Variants in ART1 observed in about 807,000 individuals in gnomAD.
The protein encoded by ART1 is GPI-linked NAD(P)(+)--arginine ADP-ribosyltransferase 1.
In ART1, 29 loss-of-function variants were observed where a neutral mutation model predicts 27.0. The observed-to-expected ratio is 1.08, with a 90% CI of 0.80 to 1.47. ART1 has a LOEUF of 1.47. ART1 is among the 40% of genes most tolerant of loss of function. The pLI is 0.00. For synonymous variants in ART1, 201 were observed against 172.2 expected, an observed-to-expected ratio of 1.17 and a Z score of -1.31; for missense variants, 480 against 423.0, an observed-to-expected ratio of 1.13 and a Z score of -1.18.
chr11:3,663,224 AAGTGAGACCCAG>A (rs2077636972), intron 4 of ART1, among the ~76,000 whole-genome samples: 1 of 152,152 alleles, frequency 6.6e-6, no homozygotes, highest in Non-Finnish European at 1.5e-5. Flanking sequence ...TTATATGGTC[AAGTGAGACCCAG>A]AGACAAATTA....
At chr11:3,649,584 T>C (rs1248806569) in intron 1 of ART1, among the ~76,000 whole-genome samples, 1 of 152,190 alleles carries the variant, frequency 6.6e-6, no homozygotes, top group Non-Finnish European at 1.5e-5. Flanking sequence ...CCCAGGCTGC[T>C]CCTCGCCAGG....
intron 4 of ART1, 52 bp from the exon 5 acceptor site, chr11:3,664,029 GCTCCTAAATAC>G: frequency 1.3e-6 from 2 of 1,535,272 alleles, no homozygotes; most frequent in Non-Finnish European, 1.8e-6. Context: ...TTGCTCCTGT[GCTCCTAAATAC>G]CTCTTTTTTT....
At chr11:3,656,855 A>T (rs2077580149) in intron 1 of ART1, among the ~76,000 whole-genome samples, 1 of 152,184 alleles carries the variant, frequency 6.6e-6, no homozygotes, top group Non-Finnish European at 1.5e-5. Context: ...ATAACAAAAA[A>T]AATTGTTGAA....
At chr11:3,661,340 G>T in intron 3 of ART1, 32 bp from the exon 4 acceptor site, 1 of 1,604,608 alleles carries the variant, frequency 6.2e-7, no homozygotes, top group Non-Finnish European at 8.5e-7. Context: ...CAGCTCCTGA[G>T]CCTTTCATTC....
intron 1 of ART1, among the ~76,000 whole-genome samples, chr11:3,649,034 C>T (rs192684998): frequency 6.6e-6 from 1 of 151,802 alleles, no homozygotes; most frequent in African/African-American, 2.4e-5. Context: ...GACCTCTTAT[C>T]TCTGCGCCCA....
intron 1 of ART1, among the ~76,000 whole-genome samples, chr11:3,658,707 CT>C (rs2077593588): frequency 6.6e-6 from 1 of 152,172 alleles, no homozygotes; most frequent in Admixed American, 6.5e-5. Flanking sequence ...GGATCTGCCC[CT>C]GTCCCAAAAC....
chr11:3,645,723 C>G (rs565922519), intron 1 of ART1, among the ~76,000 whole-genome samples: 128 of 152,274 alleles, frequency 8.4e-4, no homozygotes, highest in Middle Eastern at 3.4e-3. Flanking sequence ...AGAAGAGGAG[C>G]CAGGCACATA....
In ART1 at chr11:3,664,300, T is replaced by C; in HGVS notation, c.*111T>C. The C allele has an allele frequency of 9.7e-7, 1 of 1,025,860 alleles. No homozygotes were observed. Among genetic ancestry groups the C allele is most frequent in the South Asian group, 1.5e-5 (1 of 68,750 alleles). The allele number at this position is 1,025,860 out of a possible 1,614,324, so 63.5% of individuals were successfully genotyped here. ...CCTGTCAATCCCATCTGCAGGGAAC[T>C]CTGGGACCTTCTCTGGTAGCTGCCA... is the stretch of plus-strand genomic sequence containing the variant. On this transcript the variant is annotated 3_prime_UTR_variant, in exon 5 of 5. Transcript: ENST00000250693.
chr11:3,650,431 G>C (rs904200743), intron 1 of ART1, among the ~76,000 whole-genome samples: 6 of 152,104 alleles, frequency 3.9e-5, no homozygotes, highest in Non-Finnish European at 7.4e-5. Flanking sequence ...CGATTGCCTC[G>C]GAAGCCCCCT....
At chr11:3,649,969 A>G (rs2077505961) in intron 1 of ART1, among the ~76,000 whole-genome samples, 1 of 152,214 alleles carries the variant, frequency 6.6e-6, no homozygotes, top group African/African-American at 2.4e-5. Flanking sequence ...GACATTAAAT[A>G]AAACTCCAAA....
intron 1 of ART1, among the ~76,000 whole-genome samples, chr11:3,657,269 A>C (rs1045097013): frequency 7.2e-5 from 11 of 152,182 alleles, no homozygotes; most frequent in Non-Finnish European, 1.5e-4. Flanking sequence ...CTATATTACC[A>C]TTTGTGTACA....
At chr11:3,648,943 C>T (rs1203731677) in intron 1 of ART1, among the ~76,000 whole-genome samples, 3 of 151,818 alleles carry the variant, frequency 2.0e-5, no homozygotes, top group African/African-American at 7.3e-5. Context: ...CACACCCCAA[C>T]CTCTTACCTC....
chr11:3,656,875 A>G (rs2077580266), intron 1 of ART1, among the ~76,000 whole-genome samples: 1 of 152,146 alleles, frequency 6.6e-6, no homozygotes, highest in South Asian at 2.1e-4. Context: ...ATAAATGAGT[A>G]AGCAGCTTTT....
At position 3,651,717 on chromosome 11, in the gene ART1, A is replaced by ATG. The variant is rs1565039891; in HGVS notation, c.-53+6538_-53+6539insTG. ...TGATGCATATACTTTCTGATCCCCC[A>ATG]GCTCCTTCAGCTGTACTCACTCTAT... On this transcript the variant is annotated intron_variant, in intron 1 of 4. Transcript: ENST00000250693. Among the ~76,000 whole-genome samples, 44 of 150,706 alleles carry ATG rather than the reference A, an allele frequency of 2.9e-4. No individual in the cohort carries two copies. The Middle Eastern group carries it at 0.017, about 59-fold the overall frequency.
intron 4 of ART1, among the ~76,000 whole-genome samples, chr11:3,662,009 G>A (rs1014425682): frequency 8.5e-5 from 13 of 152,188 alleles, no homozygotes; most frequent in African/African-American, 1.2e-4. Context: ...GATTCAGGCT[G>A]CACTGAGGTG....
chr11:3,653,148 C>G (rs908822582), intron 1 of ART1, among the ~76,000 whole-genome samples: 5 of 148,398 alleles, frequency 3.4e-5, no homozygotes, highest in Non-Finnish European at 7.4e-5. Context: ...TCTCTCCACA[C>G]CACCCCCAAA....
At chr11:3,654,900 G>A (rs1443574403) in intron 1 of ART1, among the ~76,000 whole-genome samples, 1 of 152,180 alleles carries the variant, frequency 6.6e-6, no homozygotes, top group Non-Finnish European at 1.5e-5. Context: ...GATGTATCTT[G>A]TTTATTGTAG....
At chr11:3,655,505 C>T (rs964306772) in intron 1 of ART1, 4 of 152,230 alleles carry the variant, frequency 2.6e-5, no homozygotes, top group Admixed American at 2.0e-4. Context: ...AAAAAACAGG[C>T]TCCCAGGGTG....
In ART1 at chr11:3,664,351, C is replaced by G; in HGVS notation, c.*162C>G. ...GACCGGCTGGTGGAGAAACAGGAGA[C>G]AATCTGGGGACTGAACCTTACCCAG... On this transcript the variant is annotated 3_prime_UTR_variant, in exon 5 of 5. Coordinates refer to ENST00000250693, the MANE Select transcript of ART1 (RefSeq NM_004314.3). 1.5e-6 allele frequency: 1 copy of G among 671,992 alleles called. No homozygotes were observed. The highest frequency in any genetic ancestry group is 2.6e-6 in the Non-Finnish European group (1 of 391,030). 41.6% of individuals were successfully genotyped at this position (671,992 alleles called of 1,614,324 possible).
Sources: gnomAD v4.1 joint callset for allele counts (sites outside exome capture counted in the v4.1 genomes callset) on GRCh38, gnomAD v4.1.1 for gene constraint, MANE v1.5 for transcripts, NCBI Gene and HGNC (gene_info 2026-07-23, HGNC 2026-07-21) for gene names.